Variants in STAC observed in about 807,000 individuals in gnomAD.
STAC encodes the protein SH3 and cysteine rich domain, also known as SH3 and cysteine-rich domain-containing protein.
In STAC, 43 loss-of-function variants were observed where a neutral mutation model predicts 48.8. That is an observed-to-expected ratio of 0.88 (90% CI 0.69 to 1.14). STAC has a LOEUF of 1.14. Among genes scored for constraint, STAC ranks in the 50% most tolerant of loss-of-function variants. The pLI, the probability that STAC is intolerant of heterozygous loss-of-function variation, is 0.00. For synonymous variants in STAC, 193 were observed against 179.5 expected (o/e 1.07, Z -0.60); for missense variants, 497 against 504.0 (o/e 0.99, Z 0.13).
At chr3:36,388,430 A>G (rs78255813) in intron 1 of STAC, among the ~76,000 whole-genome samples, 7,613 of 151,894 alleles carry the variant, frequency 0.05, 470 homozygotes, top group East Asian at 0.22. Flanking sequence ...CCAGATTGAA[A>G]TTTGTCTTTT....
intron 8 of STAC, among the ~76,000 whole-genome samples, chr3:36,509,014 A>G (rs1698471952): frequency 6.6e-6 from 1 of 152,118 alleles, no homozygotes; most frequent in Non-Finnish European, 1.5e-5. Context: ...CATGGTGTCA[A>G]TGGTCTTTAC....
chr3:36,448,908 C>CG (rs1267980980), intron 2 of STAC, among the ~76,000 whole-genome samples: 1 of 146,514 alleles, frequency 6.8e-6, no homozygotes, highest in African/African-American at 2.6e-5. Context: ...TGAACCCCCC[C>CG]CCCCACTCCC....
chr3:36,433,622 C>T (rs956458184), intron 1 of STAC, among the ~76,000 whole-genome samples: 1 of 152,118 alleles, frequency 6.6e-6, no homozygotes, highest in Non-Finnish European at 1.5e-5. Context: ...TGCTATTTGT[C>T]TCCAGAATTA....
chr3:36,521,336 A>G (rs919923685), intron 8 of STAC, among the ~76,000 whole-genome samples: 4 of 152,144 alleles, frequency 2.6e-5, no homozygotes, highest in Non-Finnish European at 5.9e-5. Flanking sequence ...TATAGATTCA[A>G]ACCTTGCCTG....
At chr3:36,407,213 A>G (rs537016313) in intron 1 of STAC, among the ~76,000 whole-genome samples, 9 of 152,346 alleles carry the variant, frequency 5.9e-5, no homozygotes, top group East Asian at 3.9e-4. Flanking sequence ...TCTTCCCTTT[A>G]TGAGTAGGCC....
chr3:36,446,258 C>A (rs759696432), intron 2 of STAC, among the ~76,000 whole-genome samples: 1 of 152,206 alleles, frequency 6.6e-6, no homozygotes. Context: ...ACTTTGGTCA[C>A]CTAAGCAAGC....
chr3:36,482,682 T>A (rs533892505), intron 2 of STAC, among the ~76,000 whole-genome samples: 46 of 152,178 alleles, frequency 3.0e-4, no homozygotes, highest in African/African-American at 1.1e-3. Flanking sequence ...TAGAATTGAG[T>A]AACCTACATG....
intron 1 of STAC, among the ~76,000 whole-genome samples, chr3:36,441,992 T>C (rs1267774511): frequency 2.6e-5 from 4 of 152,216 alleles, no homozygotes; most frequent in African/African-American, 9.6e-5. Flanking sequence ...ATTCTAGATA[T>C]TAATCTCCTG....
chr3:36,539,701 C>T (rs976996882), intron 10 of STAC, among the ~76,000 whole-genome samples: 2 of 152,110 alleles, frequency 1.3e-5, no homozygotes, highest in African/African-American at 4.8e-5. Context: ...CATCTCTTTA[C>T]CTCGAGATAT....
chr3:36,532,306 A>G (rs1449126066), intron 10 of STAC, among the ~76,000 whole-genome samples: 1 of 152,182 alleles, frequency 6.6e-6, no homozygotes, highest in Non-Finnish European at 1.5e-5. Context: ...TGAAATTGAC[A>G]TACTTCCCTT....
At chr3:36,481,106 C>A (rs760349966) in intron 2 of STAC, among the ~76,000 whole-genome samples, 7 of 152,120 alleles carry the variant, frequency 4.6e-5, no homozygotes, top group African/African-American at 7.2e-5. Context: ...TGCTAGCCAA[C>A]TGAAGAGTGA....
intron 10 of STAC, among the ~76,000 whole-genome samples, chr3:36,541,569 A>AAAAT (rs1699327188): frequency 6.6e-6 from 1 of 152,216 alleles, no homozygotes; most frequent in South Asian, 2.1e-4. Context: ...TCAGGAGTCT[A>AAAAT]AAATATCAAA....
chr3:36,457,689 G>C (rs964599011), intron 2 of STAC, among the ~76,000 whole-genome samples: 1 of 152,164 alleles, frequency 6.6e-6, no homozygotes, highest in African/African-American at 2.4e-5. Flanking sequence ...TTAATACCGG[G>C]ATCAGGGATG....
At chr3:36,474,242 C>A (rs1034954134) in intron 2 of STAC, among the ~76,000 whole-genome samples, 4 of 152,192 alleles carry the variant, frequency 2.6e-5, no homozygotes, top group Admixed American at 1.3e-4. Context: ...AATCACATTT[C>A]TCTTCCAAAG....
intron 7 of STAC, 60 bp from the exon 8 acceptor site, chr3:36,505,686 T>A (rs991998195): frequency 3.4e-6 from 4 of 1,176,456 alleles, no homozygotes; most frequent in Admixed American, 4.5e-5. Context: ...GTTTTCTTTC[T>A]TTCCTCTCTC....
At chr3:36,423,561 A>T (rs1283418555) in intron 1 of STAC, among the ~76,000 whole-genome samples, 1 of 152,000 alleles carries the variant, frequency 6.6e-6, no homozygotes, top group African/African-American at 2.4e-5. Context: ...CAATCTATAC[A>T]CTTATACACA....
At chr3:36,453,084 T>C (rs1286442816) in intron 2 of STAC, among the ~76,000 whole-genome samples, 1 of 152,288 alleles carries the variant, frequency 6.6e-6, no homozygotes, top group Admixed American at 6.5e-5. Flanking sequence ...AAGGAACTGT[T>C]GGAGTCTAGT....
intron 10 of STAC, among the ~76,000 whole-genome samples, chr3:36,542,942 G>T (rs1699362844): frequency 6.6e-6 from 1 of 152,288 alleles, no homozygotes; most frequent in Admixed American, 6.5e-5. Context: ...GAATAAATAA[G>T]GAAAGCAGGA....
intron 2 of STAC, among the ~76,000 whole-genome samples, chr3:36,447,069 T>G (rs936159): frequency 0.66 from 100,051 of 151,932 alleles, 33,252 homozygotes; most frequent in African/African-American, 0.74. Context: ...AGAGGCAGGC[T>G]AAGTAGCTAA....
Sources: allele counts gnomAD v4.1 joint callset (sites outside exome capture counted in the v4.1 genomes callset), GRCh38; gene constraint gnomAD v4.1.1; transcripts MANE v1.5; gene names NCBI Gene and HGNC (gene_info 2026-07-23, HGNC 2026-07-21).